SLC9B2: variants seen among roughly 807,000 people sequenced by gnomAD.
The protein encoded by SLC9B2 is solute carrier family 9 member B2, also known as sodium/hydrogen exchanger 9B2.
A neutral mutation model predicts 52.2 loss-of-function variants in SLC9B2; 39 were observed. That is an observed-to-expected ratio of 0.75 (90% CI 0.58 to 0.98). SLC9B2 has a LOEUF of 0.98. Ranked by LOEUF, SLC9B2 falls within the 50% of genes least tolerant of loss-of-function variation. The probability of loss-of-function intolerance (pLI) is 0.00; values close to 1 mark genes in which losing one functional copy is unlikely to be tolerated. For missense variants in SLC9B2, 626 were observed against 637.5 expected, an observed-to-expected ratio of 0.98 and a Z score of 0.19; for synonymous variants, 214 against 227.0, an observed-to-expected ratio of 0.94 and a Z score of 0.51.
In SLC9B2 at chr4:103,026,254, C is replaced by G; in HGVS notation, c.*116G>C. 6 of 943,632 alleles carry G rather than the reference C, an allele frequency of 6.4e-6. No individual in the cohort carries two copies. Among genetic ancestry groups the G allele is most frequent in the Non-Finnish European group, 9.5e-6 (6 of 634,776 alleles). The allele number at this position is 943,632 out of a possible 1,614,324, so 58.5% of individuals were successfully genotyped here. On this transcript the variant is annotated 3_prime_UTR_variant, in exon 12 of 12. Coordinates refer to ENST00000394785, the MANE Select transcript of SLC9B2 (RefSeq NM_178833.7). ...GGGCTAAAAATGCTGTTTAAAGAAA[C>G]AGCTACACTTTTGGTTCTATTACAT...
At position 103,066,328 on chromosome 4, in the gene SLC9B2, A is replaced by G. The variant is rs1220456570; in HGVS notation, c.270T>C (p.Asn90=). 6 of 1,608,650 alleles carry G rather than the reference A, an allele frequency of 3.7e-6. No homozygotes were observed. Among genetic ancestry groups the G allele is most frequent in the Non-Finnish European group, 5.1e-6 (6 of 1,177,098 alleles). Residue 90 remains asparagine, a splice_region_variant and synonymous_variant, in exon 3 of 12, where the codon AAT becomes AAC. Coordinates refer to ENST00000394785, the MANE Select transcript of SLC9B2 (RefSeq NM_178833.7). ...ATCTCTTTCTGAATTCATCCTTACC[A>G]TTTGTTATGACCCTGTCCAGTAAAC... ...PHGLLDRVIT[N]VTIIVLLWAV... is the part of the protein sequence containing the mutation.
chr4:103,054,500 T>A (rs1305664997), intron 4 of SLC9B2, among the ~76,000 whole-genome samples: 1 of 152,174 alleles, frequency 6.6e-6, no homozygotes, highest in Non-Finnish European at 1.5e-5. Context: ...TCAGCAAAAA[T>A]GTTCTGTAAA....
At chr4:103,049,073 A>T in intron 5 of SLC9B2, 53 bp from the exon 6 acceptor site, 1 of 1,591,406 alleles carries the variant, frequency 6.3e-7, no homozygotes, top group Non-Finnish European at 8.6e-7. Flanking sequence ...TGTGCAGAGA[A>T]GATGACCTTG....
At chr4:103,053,500 T>C (rs1281245302) in intron 4 of SLC9B2, among the ~76,000 whole-genome samples, 1 of 152,132 alleles carries the variant, frequency 6.6e-6, no homozygotes, top group Non-Finnish European at 1.5e-5. Flanking sequence ...TTTTGCAACA[T>C]GGTATATTTT....
At chr4:103,019,592 G>A (rs1025182090), downstream of SLC9B2, 3 of 985,374 alleles carry the variant, frequency 3.0e-6, no homozygotes, top group African/African-American at 5.2e-5. Context: ...AGAAAAATGG[G>A]CCGTACCTAC....
intron 2 of SLC9B2, among the ~76,000 whole-genome samples, 197 bp from the exon 3 acceptor site, chr4:103,066,704 C>T (rs1335260763): frequency 6.6e-6 from 1 of 152,092 alleles, no homozygotes; most frequent in Non-Finnish European, 1.5e-5. Flanking sequence ...AGCACAGTCA[C>T]TATTTTTAGT....
intron 9 of SLC9B2, among the ~76,000 whole-genome samples, chr4:103,039,911 G>A (rs917528835): frequency 6.6e-6 from 1 of 151,978 alleles, no homozygotes; most frequent in Non-Finnish European, 1.5e-5. Flanking sequence ...CTCCCAAAGT[G>A]CTGGGATTAC....
At chr4:103,054,788 T>C (rs948634479) in intron 4 of SLC9B2, among the ~76,000 whole-genome samples, 3 of 152,194 alleles carry the variant, frequency 2.0e-5, no homozygotes, top group Non-Finnish European at 4.4e-5. Flanking sequence ...ACACTGTTGG[T>C]GGGACTGCAA....
intron 1 of SLC9B2, among the ~76,000 whole-genome samples, chr4:103,075,882 C>T (rs993746387): frequency 1.3e-5 from 2 of 152,192 alleles, no homozygotes; most frequent in African/African-American, 4.8e-5. Context: ...CTTACAGCAG[C>T]TACTGCTGTC....
chr4:103,057,478 A>G (rs1035064929), intron 4 of SLC9B2, among the ~76,000 whole-genome samples: 3 of 151,230 alleles, frequency 2.0e-5, no homozygotes, highest in East Asian at 1.9e-4. Context: ...TAATTTTTGT[A>G]TTTTTTTTGT....
chr4:103,032,695 C>A (rs987354333), intron 9 of SLC9B2, among the ~76,000 whole-genome samples: 2 of 152,288 alleles, frequency 1.3e-5, no homozygotes, highest in South Asian at 4.1e-4. Flanking sequence ...ACCAGCAGCA[C>A]CTAGTGGCCA....
At chr4:103,065,070 G>C (rs1745992228) in intron 3 of SLC9B2, among the ~76,000 whole-genome samples, 1 of 151,772 alleles carries the variant, frequency 6.6e-6, no homozygotes, top group African/African-American at 2.4e-5. Flanking sequence ...GAAAAAAAAG[G>C]TTGGGTGGGG....
At chr4:103,046,674 T>TCTTTTGTGTGAAGTCTCCACACAC (rs1327492168) in intron 7 of SLC9B2, among the ~76,000 whole-genome samples, 29 of 148,972 alleles carry the variant, frequency 1.9e-4, no homozygotes, top group Non-Finnish European at 3.6e-4. Context: ...TCTCCACACA[T>TCTTTTGTGTGAAGTCTCCACACAC]CTTTTGTGTG....
At chr4:103,060,035 T>C (rs1292454196) in intron 3 of SLC9B2, among the ~76,000 whole-genome samples, 3 of 152,124 alleles carry the variant, frequency 2.0e-5, no homozygotes, top group African/African-American at 4.8e-5. Flanking sequence ...TTTTTCCTTG[T>C]TTTCAACATC....
At chr4:103,050,010 C>T (rs1321025009) in intron 5 of SLC9B2, among the ~76,000 whole-genome samples, 3 of 144,954 alleles carry the variant, frequency 2.1e-5, no homozygotes, top group African/African-American at 7.6e-5. Flanking sequence ...GAGACTCTGT[C>T]TCAAAAAAAA....
chr4:103,045,727 G>T (rs1255517737), intron 7 of SLC9B2, among the ~76,000 whole-genome samples: 1 of 152,088 alleles, frequency 6.6e-6, no homozygotes, highest in African/African-American at 2.4e-5. Flanking sequence ...CCACCACCAT[G>T]ATTCTAATGC....
At chr4:103,028,113 T>C (rs1742387208) in intron 11 of SLC9B2, among the ~76,000 whole-genome samples, 1 of 152,164 alleles carries the variant, frequency 6.6e-6, no homozygotes, top group Non-Finnish European at 1.5e-5. Flanking sequence ...GGTCAACAAA[T>C]TCAAGCACCT....
At chr4:103,069,268 T>A (rs1476670799) in intron 1 of SLC9B2, among the ~76,000 whole-genome samples, 1 of 152,144 alleles carries the variant, frequency 6.6e-6, no homozygotes, top group African/African-American at 2.4e-5. Flanking sequence ...GGCAGGAGGC[T>A]GAGAGTAATG....
chr4:103,066,920 A>G (rs1021527530), intron 2 of SLC9B2, among the ~76,000 whole-genome samples: 1 of 152,082 alleles, frequency 6.6e-6, no homozygotes, highest in African/African-American at 2.4e-5. Flanking sequence ...TAAATATGAA[A>G]CATAAATAAA....
Sources: gnomAD v4.1 joint callset for allele counts (sites outside exome capture counted in the v4.1 genomes callset) on GRCh38, gnomAD v4.1.1 for gene constraint, MANE v1.5 for transcripts, NCBI Gene and HGNC (gene_info 2026-07-23, HGNC 2026-07-21) for gene names.